Variants in PALLD observed in about 807,000 individuals in gnomAD.
PALLD encodes the protein palladin.
PALLD carries 61 observed loss-of-function variants against 123.5 expected under a neutral mutation model. That is an observed-to-expected ratio of 0.49 (90% CI 0.40 to 0.61). The LOEUF is 0.61. Among genes scored for constraint, PALLD ranks in the 20% least tolerant of loss-of-function variants. PALLD has a pLI of 0.00. For missense variants in PALLD, 1,273 were observed against 1,377.0 expected, an observed-to-expected ratio of 0.92 and a Z score of 1.20; for synonymous variants, 465 against 496.4, an observed-to-expected ratio of 0.94 and a Z score of 0.84.
chr4:168,715,236 C>T (rs72984643), intron 10 of PALLD, among the ~76,000 whole-genome samples: 1 of 152,234 alleles, frequency 6.6e-6, no homozygotes, highest in African/African-American at 2.4e-5. Flanking sequence ...GCATCCACTT[C>T]AGCTCCTACA....
chr4:168,848,715 G>A (rs1747279292), intron 10 of PALLD, among the ~76,000 whole-genome samples: 1 of 152,110 alleles, frequency 6.6e-6, no homozygotes, highest in South Asian at 2.1e-4. Context: ...GGCTTACATT[G>A]GCAAAATGTA....
chr4:168,898,817 C>A, intron 14 of PALLD, 103 bp downstream of exon 14: 1 of 800,092 alleles, frequency 1.2e-6, no homozygotes, highest in Non-Finnish European at 2.2e-6. Flanking sequence ...AATGATCTTT[C>A]TCAATACCCA....
At chr4:168,626,123 G>A (rs1043274641) in intron 2 of PALLD, among the ~76,000 whole-genome samples, 4 of 146,926 alleles carry the variant, frequency 2.7e-5, no homozygotes, top group African/African-American at 7.6e-5. Context: ...AAAATTAGCC[G>A]GGCGTAGTGG....
intron 4 of PALLD, among the ~76,000 whole-genome samples, chr4:168,682,776 T>A (rs1345663728): frequency 6.6e-6 from 1 of 152,174 alleles, no homozygotes; most frequent in African/African-American, 2.4e-5. Flanking sequence ...GTCTATAAGG[T>A]ACATTCTATA....
chr4:168,720,175 G>T (rs937799730), intron 10 of PALLD, among the ~76,000 whole-genome samples: 18 of 152,294 alleles, frequency 1.2e-4, no homozygotes, highest in Admixed American at 4.6e-4. Context: ...TGGCAAGAAC[G>T]TGCAGATGCA....
chr4:168,608,226 G>C (rs1773380915), intron 2 of PALLD, among the ~76,000 whole-genome samples: 1 of 152,206 alleles, frequency 6.6e-6, no homozygotes, highest in African/African-American at 2.4e-5. Context: ...GCCCATTCCT[G>C]TGAGTAACTC....
At chr4:168,705,541 G>A (rs1426650109) in intron 8 of PALLD, among the ~76,000 whole-genome samples, 3 of 152,190 alleles carry the variant, frequency 2.0e-5, no homozygotes, top group Admixed American at 6.5e-5. Context: ...TGTTCTTCAA[G>A]AAAGATGTAG....
chr4:168,886,035 G>C (rs1457768867), intron 10 of PALLD, among the ~76,000 whole-genome samples: 1 of 152,144 alleles, frequency 6.6e-6, no homozygotes, highest in Admixed American at 6.5e-5. Flanking sequence ...AGAAAGCTCA[G>C]TAAAGGAAGA....
chr4:168,729,433 G>A (rs967936444), intron 10 of PALLD, among the ~76,000 whole-genome samples: 2 of 152,110 alleles, frequency 1.3e-5, no homozygotes, highest in African/African-American at 4.8e-5. Context: ...CAAGGTGCTA[G>A]GATTACAGAT....
chr4:168,790,176 T>C (rs535079272), intron 10 of PALLD, among the ~76,000 whole-genome samples: 4 of 150,274 alleles, frequency 2.7e-5, no homozygotes, highest in East Asian at 1.9e-4. Context: ...TTTTTTTTTT[T>C]CTTGAGGCAG....
intron 10 of PALLD, among the ~76,000 whole-genome samples, chr4:168,772,584 G>C (rs1432718645): frequency 6.6e-6 from 1 of 152,062 alleles, no homozygotes; most frequent in Non-Finnish European, 1.5e-5. Context: ...ATAAATAGAG[G>C]GTTTCTATAT....
chr4:168,663,100 G>A (rs184760283), intron 2 of PALLD, among the ~76,000 whole-genome samples: 71 of 152,306 alleles, frequency 4.7e-4, no homozygotes, highest in African/African-American at 1.6e-3. Flanking sequence ...TCATCTGTAA[G>A]CATATTCTTC....
rs2126641149 is a variant in PALLD at position 168,928,319 on chromosome 4, GT to G, written c.*2140del. The stretch of plus-strand genomic sequence containing the variant: ...AGCATTATTTTGCCACCTTTATATT[GT>G]ATTTATAAAAAAAAAAGTACTATCA... On this transcript the variant is annotated 3_prime_UTR_variant, in exon 22 of 22. Coordinates refer to ENST00000505667, the MANE Select transcript of PALLD (RefSeq NM_001166108.2). 1.0e-5 allele frequency: 1 copy of G among 99,762 alleles called. No homozygotes were observed. The highest frequency in any genetic ancestry group is 1.5e-4 in the East Asian group (1 of 6,622). 6.2% of individuals were successfully genotyped at this position (99,762 alleles called of 1,614,324 possible).
At chr4:168,600,790 A>G (rs1439774739) in intron 2 of PALLD, among the ~76,000 whole-genome samples, 8 of 152,314 alleles carry the variant, frequency 5.3e-5, no homozygotes, top group Middle Eastern at 3.4e-3. Flanking sequence ...GACTGCAAGC[A>G]GTTACCAACA....
At chr4:168,728,320 G>T (rs1366119285) in intron 10 of PALLD, among the ~76,000 whole-genome samples, 1 of 152,142 alleles carries the variant, frequency 6.6e-6, no homozygotes, top group Non-Finnish European at 1.5e-5. Flanking sequence ...TAACAATATT[G>T]ATCTTTCCAA....
intron 10 of PALLD, among the ~76,000 whole-genome samples, chr4:168,784,643 GCTCACAC>G (rs1332499898): frequency 8.5e-5 from 13 of 152,190 alleles, no homozygotes; most frequent in Admixed American, 2.0e-4. Context: ...CTTGAACATT[GCTCACAC>G]CTTCATTGAT....
chr4:168,761,708 C>T (rs1324347051), intron 10 of PALLD, among the ~76,000 whole-genome samples: 1 of 126,444 alleles, frequency 7.9e-6, no homozygotes, highest in African/African-American at 3.0e-5. Flanking sequence ...GACGGGGTTT[C>T]ACCATGTTTC....
rs567178081 is a variant in PALLD at position 168,711,840 on chromosome 4, T to C, written c.1881T>C (p.Ala627=). Residue 627 remains alanine, a synonymous_variant, in exon 10 of 22, where the codon GCT becomes GCC. Transcript: ENST00000505667. ...RGVNGLINGK[A]NSNKSLPTPA... Reference sequence around the variant, plus strand: ...TAAATGGACTGATTAACGGCAAAGCTAACAGTAATAAATCTCTTCCAACAC... The same window carrying C: ...TAAATGGACTGATTAACGGCAAAGCCAACAGTAATAAATCTCTTCCAACAC... The C allele has an allele frequency of 6.2e-6, 10 of 1,614,154 alleles. No individual in the cohort carries two copies. The Admixed American group carries it at 1.3e-4, about 22-fold the overall frequency.
intron 3 of PALLD, among the ~76,000 whole-genome samples, chr4:168,674,432 T>C (rs1780630558): frequency 6.6e-6 from 1 of 152,094 alleles, no homozygotes; most frequent in South Asian, 2.1e-4. Flanking sequence ...GGGATCTGAA[T>C]CTGAGCCTGG....
Sources: allele counts gnomAD v4.1 joint callset (sites outside exome capture counted in the v4.1 genomes callset), GRCh38; gene constraint gnomAD v4.1.1; transcripts MANE v1.5; gene names NCBI Gene and HGNC (gene_info 2026-07-23, HGNC 2026-07-21).